Variants in VWDE observed in about 807,000 individuals in gnomAD.
VWDE encodes the protein von Willebrand factor D and EGF domain-containing protein.
Under a neutral mutation model 178.4 loss-of-function variants are expected in VWDE, and 207 were observed. The observed-to-expected ratio is 1.16, with a 90% CI of 1.04 to 1.30. VWDE has a LOEUF of 1.30. VWDE is among the 50% of genes most tolerant of loss of function. The probability of loss-of-function intolerance (pLI) is 0.00; values close to 1 mark genes in which losing one functional copy is unlikely to be tolerated. For synonymous variants in VWDE, 738 were observed against 651.4 expected (o/e 1.13, Z -2.02); for missense variants, 2,287 against 1,901.3 (o/e 1.20, Z -3.77).
intron 24 of VWDE, 119 bp from the exon 25 acceptor site, chr7:12,337,391 T>C: frequency 1.1e-6 from 1 of 878,370 alleles, no homozygotes; most frequent in Non-Finnish European, 1.8e-6. Context: ...GCTATTAAAA[T>C]AAAAGATCAC....
At chr7:12,362,640 G>A (rs776976943) in intron 13 of VWDE, among the ~76,000 whole-genome samples, 22 of 152,072 alleles carry the variant, frequency 1.4e-4, no homozygotes, top group Non-Finnish European at 2.5e-4. Flanking sequence ...CAACCACTCA[G>A]AATTTGTCAT....
In VWDE at chr7:12,383,539, C is replaced by T; in HGVS notation, c.538G>A (p.Val180Ile). The T allele has an allele frequency of 6.5e-7, 1 of 1,550,016 alleles. No individual in the cohort carries two copies. The highest frequency in any genetic ancestry group is 8.7e-7 in the Non-Finnish European group (1 of 1,145,692). Reference protein sequence around the residue: ...SDETETGGDCVRQLAASLPPP... With the variant: ...SDETETGGDCIRQLAASLPPP... Reference sequence around the variant, plus strand: ...AAAAGCAAAATATGATACTTACGAACACAATCACCTCCTGTTTCAGTTTCA... The same window carrying T: ...AAAAGCAAAATATGATACTTACGAATACAATCACCTCCTGTTTCAGTTTCA... Residue 180 changes from valine (V) to isoleucine (I), a missense_variant, in exon 4 of 29, where the codon GTT becomes ATT. Coordinates refer to ENST00000275358, the MANE Select transcript of VWDE (RefSeq NM_001135924.3).
intron 24 of VWDE, among the ~76,000 whole-genome samples, chr7:12,338,931 C>T (rs6460932): frequency 0.67 from 101,714 of 152,002 alleles, 35,521 homozygotes; most frequent in African/African-American, 0.89. Context: ...TATGATTTTA[C>T]ATTCCACCTA....
At chr7:12,375,353 A>T (rs1205622211) in intron 7 of VWDE, 126 bp from the exon 8 acceptor site, 3 of 911,136 alleles carry the variant, frequency 3.3e-6, no homozygotes, top group Non-Finnish European at 4.8e-6. Context: ...CTTTCTTAAA[A>T]CATATGGTTG....
chr7:12,380,495 A>G lies in VWDE; in HGVS notation c.780T>C (p.Leu260=). ...LLELDGINLR[L]GDRIFCSASV... ...CTGTTTTTTAACATACCCTGTCTCC[A>G]AGTCTGAGATTTATGCCATCAAGTT... The change falls in exon 5 of 29, where the codon CTT becomes CTC. Residue 260 remains leucine, a synonymous_variant. Coordinates refer to ENST00000275358, the MANE Select transcript of VWDE (RefSeq NM_001135924.3). The G allele has an allele frequency of 6.4e-7, 1 of 1,551,550 alleles. No homozygotes were observed. The highest frequency in any genetic ancestry group is 1.2e-5 in the South Asian group (1 of 84,034).
At chr7:12,365,528 A>T (rs1033802183) in intron 13 of VWDE, among the ~76,000 whole-genome samples, 1 of 152,182 alleles carries the variant, frequency 6.6e-6, no homozygotes, top group South Asian at 2.1e-4. Flanking sequence ...AGGGAACTGA[A>T]ATTTGAACTA....
At position 12,369,936 on chromosome 7, in the gene VWDE, C is replaced by G. The variant is rs1291453799; in HGVS notation, c.2370G>C (p.Glu790Asp). ...AGGGAGTGGGCCAAGAGGGGAAAAACTCTTGCTGTACATCCTCAGCATGGT... is the reference window on the plus strand; with the variant it reads ...AGGGAGTGGGCCAAGAGGGGAAAAAGTCTTGCTGTACATCCTCAGCATGGT... ...PEDHAEDVQQ[E>D]FFPSWPTPSG... Residue 790 changes from glutamate (E) to aspartate (D), a missense_variant, in exon 12 of 29, where the codon GAG becomes GAC. Glu to Asp is a conservative substitution (Grantham distance 45, BLOSUM62 2). Transcript: ENST00000275358. 6.4e-7 allele frequency: 1 copy of G among 1,551,412 alleles called. No homozygotes were observed. Among genetic ancestry groups the G allele is most frequent in the Non-Finnish European group, 8.7e-7 (1 of 1,146,840 alleles).
chr7:12,362,546 C>T (rs1165695456), intron 13 of VWDE, among the ~76,000 whole-genome samples: 1 of 151,992 alleles, frequency 6.6e-6, no homozygotes, highest in Non-Finnish European at 1.5e-5. Flanking sequence ...GTACGGATAA[C>T]TACGTAGGAA....
chr7:12,331,495 A>G (rs1780719022), intron 28 of VWDE, among the ~76,000 whole-genome samples: 1 of 152,128 alleles, frequency 6.6e-6, no homozygotes, highest in Non-Finnish European at 1.5e-5. Context: ...TCCCTCAGGA[A>G]AAAACCACTG....
At chr7:12,379,816 C>T (rs187279232) in intron 5 of VWDE, among the ~76,000 whole-genome samples, 4 of 151,970 alleles carry the variant, frequency 2.6e-5, no homozygotes, top group Non-Finnish European at 4.4e-5. Flanking sequence ...TACTTAAGGC[C>T]GGGTGCGGTG....
rs180734327 is a variant in VWDE at position 12,337,045 on chromosome 7, C to T, written c.4501G>A (p.Val1501Met). The part of the protein sequence containing the change: ...DPTCMNGGKC[V>M]GPSTCSCPSG... ...GGACAAGAGCAAGTGCTTGGTCCCACACATTTTCCTCCATTCATGCACGTA... is the reference window on the plus strand; with the variant it reads ...GGACAAGAGCAAGTGCTTGGTCCCATACATTTTCCTCCATTCATGCACGTA... Residue 1501 changes from valine (V) to methionine (M), a missense_variant, in exon 26 of 29, where the codon GTG becomes ATG. Physicochemically the swap from Val to Met is conservative, Grantham distance 21. Coordinates refer to ENST00000275358, the MANE Select transcript of VWDE (RefSeq NM_001135924.3). 2.6e-6 allele frequency: 4 copies of T among 1,551,600 alleles called. No homozygotes were observed. The highest frequency in any genetic ancestry group is 2.7e-5 in the African/African-American group (2 of 73,180).
intron 17 of VWDE, 141 bp from the exon 18 acceptor site, chr7:12,356,471 C>A (rs1389589645): frequency 1.7e-6 from 1 of 596,298 alleles, no homozygotes; most frequent in South Asian, 2.4e-5. Flanking sequence ...CACACACACA[C>A]AAATGTAATA....
Position 12,361,522 on chromosome 7 carries a change from C to T in VWDE, c.2899-1G>A. 2 of 1,521,290 alleles carry T rather than the reference C, an allele frequency of 1.3e-6. No individual in the cohort carries two copies. The highest frequency in any genetic ancestry group is 2.5e-5 in the East Asian group (1 of 40,458). 94.2% of individuals were successfully genotyped at this position (1,521,290 alleles called of 1,614,324 possible). ...CAGGCATCCATTCACTGCTATTATA[C>T]TGAAGACATAGTGAGAAAAAAATTA... On this transcript the variant is annotated splice_acceptor_variant, in intron 13 of 28. Transcript: ENST00000275358. LOFTEE classifies it high-confidence loss of function.
At chr7:12,372,953 T>C (rs1464619867) in intron 10 of VWDE, 24 bp downstream of exon 10, 1 of 1,536,684 alleles carries the variant, frequency 6.5e-7, no homozygotes, top group Non-Finnish European at 8.8e-7. Flanking sequence ...AAAAATACTT[T>C]CAATGTTAAA....
intron 1 of VWDE, among the ~76,000 whole-genome samples, chr7:12,397,543 G>A (rs563455440): frequency 2.6e-5 from 4 of 152,048 alleles, no homozygotes; most frequent in Non-Finnish European, 4.4e-5. Context: ...CTCAAAAGCA[G>A]TTGCAAAAAA....
chr7:12,373,094 A>G lies in VWDE; in HGVS notation c.1470T>C (p.Val490=). The G allele has an allele frequency of 6.4e-7, 1 of 1,551,302 alleles. No homozygotes were observed. Among genetic ancestry groups the G allele is most frequent in the Non-Finnish European group, 8.7e-7 (1 of 1,146,752 alleles). ...GCTGACCATTGCACATATCAAAAGTAACTATATCACCTCCTTCCTGGGCAA... is the reference window on the plus strand; with the variant it reads ...GCTGACCATTGCACATATCAAAAGTGACTATATCACCTCCTTCCTGGGCAA... ...GFVAQEGGDI[V]TFDMCNGQLR... Residue 490 remains valine, a synonymous_variant, in exon 10 of 29, where the codon GTT becomes GTC. Transcript: ENST00000275358.
Position 12,336,153 on chromosome 7 carries a change from G to A in VWDE, c.4642C>T (p.Arg1548Trp), listed in dbSNP as rs370171246. Reference sequence around the variant, plus strand: ...CCTGTGGGCTTACGTATTTGACACCGCACTCCTTCCCAGGAGGAAGGACAA... The same window carrying A: ...CCTGTGGGCTTACGTATTTGACACCACACTCCTTCCCAGGAGGAAGGACAA... ...CHCPSSWEGV[R>W]CQIPICNPKC... Residue 1548 changes from arginine to tryptophan, a missense_variant, in exon 27 of 29, where the codon CGG becomes TGG. By Grantham distance (101) the Arg-to-Trp change is moderately radical (BLOSUM62 -3). Coordinates refer to ENST00000275358, the MANE Select transcript of VWDE (RefSeq NM_001135924.3). The A allele has an allele frequency of 1.1e-5, 17 of 1,549,952 alleles. No homozygotes were observed. The highest frequency in any genetic ancestry group is 6.9e-5 in the African/African-American group (5 of 72,892).
In VWDE at chr7:12,380,696, T is replaced by G. The variant is rs1381055096; in HGVS notation, c.579A>C (p.Gly193=). The change falls in exon 5 of 29, where the codon GGA becomes GGC. Residue 193 remains glycine, a synonymous_variant. Transcript: ENST00000275358. ...TCAACTCCACCAGAACCTCTGGCCTTCCTGCAGGTGGAGGTGGCAATGAGG... is the reference window on the plus strand; with the variant it reads ...TCAACTCCACCAGAACCTCTGGCCTGCCTGCAGGTGGAGGTGGCAATGAGG... ...LAASLPPPPA[G]RPEVLVELIE... The G allele has an allele frequency of 1.3e-6, 2 of 1,551,902 alleles. No individual in the cohort carries two copies. The highest frequency in any genetic ancestry group is 4.9e-5 in the East Asian group (2 of 40,922).
chr7:12,400,592 G>A (rs923666519), intron 1 of VWDE, among the ~76,000 whole-genome samples: 1 of 151,994 alleles, frequency 6.6e-6, no homozygotes, highest in Non-Finnish European at 1.5e-5. Context: ...TGGCCCAGAT[G>A]GCATCAATGC....
Sources: gnomAD v4.1 joint callset for allele counts (sites outside exome capture counted in the v4.1 genomes callset) on GRCh38, gnomAD v4.1.1 for gene constraint, MANE v1.5 for transcripts, NCBI Gene and HGNC (gene_info 2026-07-23, HGNC 2026-07-21) for gene names.